The following ZNF414 variants were observed in gnomAD, a reference collection of about 807,000 sequenced individuals.
ZNF414 encodes the protein zinc finger protein 414.
ZNF414 carries 32 observed loss-of-function variants against 38.3 expected under a neutral mutation model. That is an observed-to-expected ratio of 0.83 (90% CI 0.63 to 1.12). The LOEUF is 1.12. Ranked by LOEUF, ZNF414 falls within the 50% of genes most tolerant of loss-of-function variation. ZNF414 has a pLI of 0.00. For synonymous variants in ZNF414, 256 were observed against 248.0 expected (o/e 1.03, Z -0.30); for missense variants, 589 against 557.4 (o/e 1.06, Z -0.57).
Position 8,512,478 on chromosome 19 carries a change from A to T in ZNF414, c.439T>A (p.Cys147Ser), listed in dbSNP as rs1355536850. Residue 147 changes from cysteine (C) to serine (S), a missense_variant, in exon 4 of 8, where the codon TGC (cysteine) becomes AGC (serine). Physicochemically the swap from Cys to Ser is moderately radical, Grantham distance 112. Transcript: ENST00000393927. The part of the protein sequence containing the change: ...TQSLEGKLFR[C>S]SALSCTETFP... ...GTCTCGGTGCAGCTCAGGGCTGAGC[A>T]GCGGAAGAGCTTGCCTGGTAGGGAT... The T allele has an allele frequency of 6.2e-7, 1 of 1,614,102 alleles. No homozygotes were observed.
intron 6 of ZNF414, 63 bp from the exon 7 acceptor site, chr19:8,511,087 G>A: frequency 7.7e-7 from 1 of 1,290,790 alleles, no homozygotes; most frequent in Non-Finnish European, 9.8e-7. Flanking sequence ...CGTGCGCCAA[G>A]GATGGAGGAC....
In ZNF414 at chr19:8,510,836, A is replaced by T. The variant is rs1315973227; in HGVS notation, c.1099+15T>A. Reference sequence around the variant, plus strand: ...CCCCCGCCCCCCTCTCCACCCGCGCATTCCTCGGCCTTACCCGCGGGGGCG... The same window carrying T: ...CCCCCGCCCCCCTCTCCACCCGCGCTTTCCTCGGCCTTACCCGCGGGGGCG... On this transcript the variant is annotated intron_variant, in intron 7 of 7. Coordinates refer to ENST00000393927, the MANE Select transcript of ZNF414 (RefSeq NM_001146175.2). 1.8e-5 allele frequency: 25 copies of T among 1,391,442 alleles called. No individual in the cohort carries two copies. The highest frequency in any genetic ancestry group is 2.4e-5 in the Non-Finnish European group (25 of 1,051,522). 86.2% of individuals were successfully genotyped at this position (1,391,442 alleles called of 1,614,324 possible). A position where few individuals can be genotyped will look rare whatever the true frequency, so the allele number is the denominator to read the frequency against.
In ZNF414 at chr19:8,511,883, T is replaced by TGCGCATGCTCC. The variant is rs1335981566; in HGVS notation, c.597_607dup (p.Gln203ArgfsTer59). The TGCGCATGCTCC allele has an allele frequency of 7.1e-7, 1 of 1,408,600 alleles. No homozygotes were observed. Among genetic ancestry groups the TGCGCATGCTCC allele is most frequent in the Admixed American group, 3.2e-5 (1 of 31,658 alleles). 87.3% of individuals were successfully genotyped at this position (1,408,600 alleles called of 1,614,324 possible). Reference sequence around the variant, plus strand: ...CGGGGGTGGCGGCGGGGCTGGGCTCTGCGCATGCTCCGCGCAAACATGCAG... The same window carrying TGCGCATGCTCC: ...CGGGGGTGGCGGCGGGGCTGGGCTCTGCGCATGCTCCGCGCATGCTCCGCGCAAACATGCAG... On this transcript the variant is annotated frameshift_variant, in exon 5 of 8. Coordinates refer to ENST00000393927, the MANE Select transcript of ZNF414 (RefSeq NM_001146175.2). LOFTEE classifies it high-confidence loss of function.
chr19:8,513,953 C>A, intron 1 of ZNF414, 91 bp downstream of exon 1: 1 of 1,303,336 alleles, frequency 7.7e-7, no homozygotes, highest in Non-Finnish European at 9.8e-7. Context: ...GATGTGGGGG[C>A]GGGGTCGGCC....
Position 8,511,686 on chromosome 19 carries a change from G to A in ZNF414, c.805C>T (p.Leu269=), listed in dbSNP as rs1271296620. The part of the protein sequence containing the change: ...PAPFGLSPPR[L]RPFLAAAPGP... ...GGTGCAGCGGCCAGGAAGGGGCGCA[G>A]GCGCGGGGGGCTTAGGCCAAAGGGC... Residue 269 remains leucine, a synonymous_variant, in exon 5 of 8, where the codon CTG becomes TTG. Coordinates refer to ENST00000393927, the MANE Select transcript of ZNF414 (RefSeq NM_001146175.2). The A allele has an allele frequency of 3.4e-6, 5 of 1,492,452 alleles. No homozygotes were observed. In the African/African-American group the frequency reaches 5.7e-5, roughly 17 times the overall value. 92.5% of individuals were successfully genotyped at this position (1,492,452 alleles called of 1,614,324 possible). A position where few individuals can be genotyped will look rare whatever the true frequency, so the allele number is the denominator to read the frequency against.
Position 8,513,172 on chromosome 19 carries a change from C to G in ZNF414, c.173G>C (p.Arg58Pro). ...CTGCTGCATCCCTCCAGCCCCTCCA[C>G]GTTCCCACACTGGCGGTGTGGCTGC... is the stretch of plus-strand genomic sequence containing the variant. Reference protein sequence around the residue: ...EQAATPPVWERGGAGGMQQGS... With the variant: ...EQAATPPVWEPGGAGGMQQGS... Residue 58 changes from arginine to proline, a missense_variant, in exon 2 of 8, where the codon CGT (arginine) becomes CCT (proline). By Grantham distance (103) the Arg-to-Pro change is moderately radical. Transcript: ENST00000393927. 6.4e-7 allele frequency: 1 copy of G among 1,555,970 alleles called. No individual in the cohort carries two copies. Among genetic ancestry groups the G allele is most frequent in the Non-Finnish European group, 8.7e-7 (1 of 1,156,002 alleles).
rs1205425767 is a variant in ZNF414 at position 8,514,033 on chromosome 19, G to A, written c.3+11C>T. ...GCTCCGCCGCGCCCGCGACCCCGGT[G>A]CCGCGCTCACCATCTTCGACACGGC... On this transcript the variant is annotated intron_variant, in intron 1 of 7. Coordinates refer to ENST00000393927, the MANE Select transcript of ZNF414 (RefSeq NM_001146175.2). 22 of 1,469,168 alleles carry A rather than the reference G, an allele frequency of 1.5e-5. No homozygotes were observed. Among genetic ancestry groups the A allele is most frequent in the Non-Finnish European group, 2.0e-5 (22 of 1,111,268 alleles). The allele number at this position is 1,469,168 out of a possible 1,614,324, so 91.0% of individuals were successfully genotyped here.
At chr19:8,512,245 G>A (rs1054101326) in intron 4 of ZNF414, 142 bp downstream of exon 4, 9 of 1,447,830 alleles carry the variant, frequency 6.2e-6, no homozygotes, top group South Asian at 1.4e-5. Flanking sequence ...CCCATCCAGG[G>A]AGTTGAGGGC....
chr19:8,511,995 C>G, intron 4 of ZNF414, 35 bp from the exon 5 acceptor site: 1 of 1,401,854 alleles, frequency 7.1e-7, no homozygotes, highest in South Asian at 1.7e-5. Context: ...TGGGCTGGGC[C>G]TCCAGGGGCA....
In ZNF414 at chr19:8,510,617, C is replaced by A; in HGVS notation, c.*74G>T. On this transcript the variant is annotated 3_prime_UTR_variant, in exon 8 of 8. Coordinates refer to ENST00000393927, the MANE Select transcript of ZNF414 (RefSeq NM_001146175.2). ...GCGCCTTCTTTATTGTCCACCCCAG[C>A]CCCCCTTCCCTGCAGCCCCCTCCAA... The A allele has an allele frequency of 7.3e-7, 1 of 1,362,042 alleles. No homozygotes were observed. Among genetic ancestry groups the A allele is most frequent in the Admixed American group, 2.2e-5 (1 of 45,760 alleles). 84.4% of individuals were successfully genotyped at this position (1,362,042 alleles called of 1,614,324 possible). A position where few individuals can be genotyped will look rare whatever the true frequency, so the allele number is the denominator to read the frequency against.
Position 8,513,103 on chromosome 19 carries a change from G to C in ZNF414, c.242C>G (p.Pro81Arg). The C allele has an allele frequency of 6.5e-7, 1 of 1,534,206 alleles. No individual in the cohort carries two copies. Among genetic ancestry groups the C allele is most frequent in the Non-Finnish European group, 8.8e-7 (1 of 1,142,520 alleles). The change falls in exon 2 of 8, where the codon CCC (proline) becomes CGC (arginine). Residue 81 changes from proline (P) to arginine (R), a missense_variant. Coordinates refer to ENST00000393927, the MANE Select transcript of ZNF414 (RefSeq NM_001146175.2). ...GACTATGCTGGTCAGGCCAGGGCTG[G>C]GTCCGGGGCCAGGCTGGCAGCTGTC... ...APDSCQPGPG[P>R]SPGLTSIVSG...
At position 8,513,108 on chromosome 19, in the gene ZNF414, G is replaced by A. The variant is rs1212999396; in HGVS notation, c.237C>T (p.Pro79=). 4.6e-6 allele frequency: 7 copies of A among 1,535,336 alleles called. No individual in the cohort carries two copies. The highest frequency in any genetic ancestry group is 4.9e-5 in the East Asian group (2 of 40,898). Reference sequence around the variant, plus strand: ...TGCTGGTCAGGCCAGGGCTGGGTCCGGGGCCAGGCTGGCAGCTGTCTGGGG... The same window carrying A: ...TGCTGGTCAGGCCAGGGCTGGGTCCAGGGCCAGGCTGGCAGCTGTCTGGGG... ...SPAPDSCQPG[P]GPSPGLTSIV... is the part of the protein sequence containing the mutation. Residue 79 remains proline, a synonymous_variant, in exon 2 of 8, where the codon CCC becomes CCT. Coordinates refer to ENST00000393927, the MANE Select transcript of ZNF414 (RefSeq NM_001146175.2).
chr19:8,511,062 C>A, intron 6 of ZNF414, 38 bp from the exon 7 acceptor site: 1 of 1,285,774 alleles, frequency 7.8e-7, no homozygotes, highest in South Asian at 2.5e-5. Context: ...CCGGGCTCCC[C>A]CAGCCCAGAA....
rs199650480 is a variant in ZNF414 at position 8,512,657 on chromosome 19, C to T, written c.371G>A (p.Arg124His). Residue 124 changes from arginine to histidine, a missense_variant, in exon 3 of 8, where the codon CGT becomes CAT. Physicochemically the swap from Arg to His is conservative, Grantham distance 29. Coordinates refer to ENST00000393927, the MANE Select transcript of ZNF414 (RefSeq NM_001146175.2). ...GGTTCGCAGATGCTGTGCCAGGTCA[C>T]GGACGCTGGGAAAACTGAGGCAGCA... ...PGCCLSFPSV[R>H]DLAQHLRTHC... 2.6e-5 allele frequency: 42 copies of T among 1,589,256 alleles called. No individual in the cohort carries two copies. The highest frequency in any genetic ancestry group is 8.0e-5 in the South Asian group (7 of 87,334).
intron 6 of ZNF414, 180 bp downstream of exon 6, chr19:8,511,306 G>T: frequency 1.4e-6 from 2 of 1,433,824 alleles, no homozygotes; most frequent in Admixed American, 2.8e-5. Context: ...CGGGAACGCC[G>T]GCGCAGATGA....
In ZNF414 at chr19:8,514,051, G is replaced by C; in HGVS notation, c.-5C>G. 1 of 1,480,498 alleles carries C rather than the reference G, an allele frequency of 6.8e-7. No individual in the cohort carries two copies. The highest frequency in any genetic ancestry group is 9.0e-7 in the Non-Finnish European group (1 of 1,117,170). The allele number at this position is 1,480,498 out of a possible 1,614,324, so 91.7% of individuals were successfully genotyped here. A position where few individuals can be genotyped will look rare whatever the true frequency, so the allele number is the denominator to read the frequency against. ...CCCCGGTGCCGCGCTCACCATCTTCGACACGGCTCGGCCTCTTGTTTCTGC... is the reference window on the plus strand; with the variant it reads ...CCCCGGTGCCGCGCTCACCATCTTCCACACGGCTCGGCCTCTTGTTTCTGC... On this transcript the variant is annotated 5_prime_UTR_variant, in exon 1 of 8. Coordinates refer to ENST00000393927, the MANE Select transcript of ZNF414 (RefSeq NM_001146175.2).
At position 8,510,540 on chromosome 19, in the gene ZNF414, C is replaced by T. The variant is rs1188435953; in HGVS notation, c.*151G>A. 6.7e-6 allele frequency: 6 copies of T among 896,908 alleles called. No homozygotes were observed. The highest frequency in any genetic ancestry group is 5.2e-5 in the African/African-American group (3 of 58,138). 55.6% of individuals were successfully genotyped at this position (896,908 alleles called of 1,614,324 possible). A position where few individuals can be genotyped will look rare whatever the true frequency, so the allele number is the denominator to read the frequency against. On this transcript the variant is annotated 3_prime_UTR_variant, in exon 8 of 8. Coordinates refer to ENST00000393927, the MANE Select transcript of ZNF414 (RefSeq NM_001146175.2). ...AATCCATGACTGCTGGGCTCGAGCCCACTATGCTTTGGATGGACAAGGGAT... is the reference window on the plus strand; with the variant it reads ...AATCCATGACTGCTGGGCTCGAGCCTACTATGCTTTGGATGGACAAGGGAT...
In ZNF414 at chr19:8,511,641, C is replaced by G; in HGVS notation, c.850G>C (p.Ala284Pro). ...AAAPGPPASS[A>P]AVWKKSQGAG... ...CCTTGGCTCTTTTTCCAGACGGCGG[C>G]GCTGGAAGCCGGCGGCCCGGGTGCA... The change falls in exon 5 of 8, where the codon GCC (alanine) becomes CCC (proline). Residue 284 changes from alanine to proline, a missense_variant. Coordinates refer to ENST00000393927, the MANE Select transcript of ZNF414 (RefSeq NM_001146175.2). The G allele has an allele frequency of 6.7e-7, 1 of 1,503,144 alleles. No homozygotes were observed. Among genetic ancestry groups the G allele is most frequent in the Non-Finnish European group, 8.8e-7 (1 of 1,130,548 alleles). 93.1% of individuals were successfully genotyped at this position (1,503,144 alleles called of 1,614,324 possible). A position where few individuals can be genotyped will look rare whatever the true frequency, so the allele number is the denominator to read the frequency against.
Position 8,510,883 on chromosome 19 carries a change from G to T in ZNF414, c.1067C>A (p.Ala356Glu). 9.0e-7 allele frequency: 1 copy of T among 1,115,056 alleles called. No individual in the cohort carries two copies. The highest frequency in any genetic ancestry group is 1.7e-5 in the African/African-American group (1 of 60,018). 69.1% of individuals were successfully genotyped at this position (1,115,056 alleles called of 1,614,324 possible). Residue 356 changes from alanine (A) to glutamate (E), a missense_variant, in exon 7 of 8, where the codon GCG (alanine) becomes GAG (glutamate). Physicochemically the swap from Ala to Glu is moderately radical, Grantham distance 107. Coordinates refer to ENST00000393927, the MANE Select transcript of ZNF414 (RefSeq NM_001146175.2). ...GGCGTCGGGGCGCGGCGGCCCGGCC[G>T]CGGGGGCCGCGGGGGCGCCGGGGCG... ...DHRPGAPAAPAAGPPRPDAPA... is the reference protein window; with the variant it reads ...DHRPGAPAAPEAGPPRPDAPA...
Sources: allele counts gnomAD v4.1 joint callset, GRCh38; gene constraint gnomAD v4.1.1; transcripts MANE v1.5; gene names NCBI Gene and HGNC (gene_info 2026-07-23, HGNC 2026-07-21).